PDZRN4: variants seen among roughly 807,000 people sequenced by gnomAD.
PDZRN4 encodes the protein PDZ domain-containing RING finger protein 4.
Under a neutral mutation model 99.0 loss-of-function variants are expected in PDZRN4, and 70 were observed. That is an observed-to-expected ratio of 0.71 (90% CI 0.58 to 0.86). PDZRN4 has a LOEUF of 0.86. PDZRN4 is among the 40% of genes least tolerant of loss of function. The pLI, the probability that PDZRN4 is intolerant of heterozygous loss-of-function variation, is 0.00. For missense variants in PDZRN4, 1,474 were observed against 1,331.2 expected, an observed-to-expected ratio of 1.11 and a Z score of -1.67; for synonymous variants, 551 against 501.6, an observed-to-expected ratio of 1.10 and a Z score of -1.32.
chr12:41,437,935 G>A, intron 3 of PDZRN4: 1 of 1,613,642 alleles, frequency 6.2e-7, no homozygotes, highest in Non-Finnish European at 8.5e-7. Context: ...CTCTCTCTCT[G>A]CTTCTTAGAA....
At chr12:41,236,411 C>T (rs139177097) in intron 3 of PDZRN4, among the ~76,000 whole-genome samples, 95 of 152,078 alleles carry the variant, frequency 6.2e-4, no homozygotes, top group Non-Finnish European at 1.2e-3. Context: ...ACAGAGGAAA[C>T]GAAGGTGAGG....
intron 3 of PDZRN4, among the ~76,000 whole-genome samples, chr12:41,232,227 T>C (rs532014893): frequency 6.6e-6 from 1 of 152,140 alleles, no homozygotes; most frequent in Non-Finnish European, 1.5e-5. Flanking sequence ...TGTCTTCATA[T>C]ACTGTTGCGG....
chr12:41,360,208 T>A (rs955530683), intron 3 of PDZRN4, among the ~76,000 whole-genome samples: 1 of 152,072 alleles, frequency 6.6e-6, no homozygotes, highest in Non-Finnish European at 1.5e-5. Flanking sequence ...ATAGAGCTAT[T>A]ATGTTCATAG....
chr12:41,240,328 C>T (rs1951094064), intron 3 of PDZRN4, among the ~76,000 whole-genome samples: 2 of 152,098 alleles, frequency 1.3e-5, no homozygotes, highest in South Asian at 4.1e-4. Flanking sequence ...ATATGTGCAT[C>T]TAAGGACCAC....
At chr12:41,233,832 T>C (rs527406551) in intron 3 of PDZRN4, among the ~76,000 whole-genome samples, 3 of 151,894 alleles carry the variant, frequency 2.0e-5, no homozygotes, top group Non-Finnish European at 4.4e-5. Flanking sequence ...GAGACATACC[T>C]AATACTAAAT....
chr12:41,459,286 A>C (rs902159878), intron 3 of PDZRN4, among the ~76,000 whole-genome samples: 2 of 152,196 alleles, frequency 1.3e-5, no homozygotes, highest in African/African-American at 4.8e-5. Flanking sequence ...AAGTGCTAGA[A>C]GAGAGTTTTC....
chr12:41,308,075 A>G (rs1363925851), intron 3 of PDZRN4, among the ~76,000 whole-genome samples: 1 of 152,186 alleles, frequency 6.6e-6, no homozygotes, highest in Admixed American at 6.5e-5. Flanking sequence ...ATGTATATAT[A>G]TTATTATTTT....
chr12:41,368,511 C>T (rs1400365100), intron 3 of PDZRN4, among the ~76,000 whole-genome samples: 1 of 151,988 alleles, frequency 6.6e-6, no homozygotes, highest in Non-Finnish European at 1.5e-5. Context: ...TATATACACG[C>T]ACATACACAC....
chr12:41,199,843 CAG>C (rs1950802874), intron 3 of PDZRN4, among the ~76,000 whole-genome samples: 1 of 151,984 alleles, frequency 6.6e-6, no homozygotes, highest in African/African-American at 2.4e-5. Context: ...AGTGGAATAA[CAG>C]ATGTTGAAGA....
At chr12:41,419,181 T>C (rs1952470780) in intron 3 of PDZRN4, among the ~76,000 whole-genome samples, 1 of 152,152 alleles carries the variant, frequency 6.6e-6, no homozygotes, top group Non-Finnish European at 1.5e-5. Context: ...TCTGGTGTTT[T>C]GGTTTTATGC....
intron 3 of PDZRN4, among the ~76,000 whole-genome samples, chr12:41,401,882 T>C (rs902580087): frequency 1.3e-5 from 2 of 151,622 alleles, no homozygotes; most frequent in Admixed American, 1.3e-4. Context: ...CTTCGTTGTG[T>C]GAAGCATTAA....
chr12:41,194,424 T>TCGAGACCTGAGTCTCGAGGC (rs1391355601), intron 3 of PDZRN4, among the ~76,000 whole-genome samples: 32 of 152,182 alleles, frequency 2.1e-4, no homozygotes, highest in Middle Eastern at 3.4e-3. Flanking sequence ...CACGTGAGCT[T>TCGAGACCTGAGTCTCGAGGC]AGGAGTTCGA....
chr12:41,376,013 A>AC (rs1952076561), intron 3 of PDZRN4, among the ~76,000 whole-genome samples: 5 of 152,118 alleles, frequency 3.3e-5, no homozygotes, highest in African/African-American at 1.2e-4. Flanking sequence ...TCTCTGTGTG[A>AC]CTTATTTTAC....
chr12:41,447,830 G>A (rs1293831492), intron 3 of PDZRN4, among the ~76,000 whole-genome samples: 1 of 151,906 alleles, frequency 6.6e-6, no homozygotes, highest in Non-Finnish European at 1.5e-5. Context: ...TTTATCCACT[G>A]AACTTACCCA....
At chr12:41,373,407 C>T (rs1952057798) in intron 3 of PDZRN4, among the ~76,000 whole-genome samples, 1 of 152,086 alleles carries the variant, frequency 6.6e-6, no homozygotes, top group Non-Finnish European at 1.5e-5. Context: ...AAGACAGCCG[C>T]CCCTGAAGCA....
intron 3 of PDZRN4, among the ~76,000 whole-genome samples, chr12:41,328,533 T>C (rs1038831901): frequency 2.6e-5 from 4 of 151,998 alleles, no homozygotes. Flanking sequence ...ACAAATAGAA[T>C]ATATATACAA....
chr12:41,483,110 G>A (rs534456539), intron 3 of PDZRN4, among the ~76,000 whole-genome samples: 1 of 152,018 alleles, frequency 6.6e-6, no homozygotes, highest in South Asian at 2.1e-4. Context: ...CTAAAGCACA[G>A]CCTATATTCC....
intron 3 of PDZRN4, among the ~76,000 whole-genome samples, chr12:41,213,297 G>A (rs989788426): frequency 6.6e-6 from 1 of 152,022 alleles, no homozygotes; most frequent in African/African-American, 2.4e-5. Context: ...CAGTGCAGTA[G>A]TTCAGATGCC....
intron 5 of PDZRN4, among the ~76,000 whole-genome samples, chr12:41,538,852 A>G (rs886530151): frequency 6.6e-6 from 1 of 152,100 alleles, no homozygotes; most frequent in Admixed American, 6.5e-5. Flanking sequence ...GAAGAATTAT[A>G]CTATCTAGAA....
Sources: allele counts gnomAD v4.1 joint callset (sites outside exome capture counted in the v4.1 genomes callset), GRCh38; gene constraint gnomAD v4.1.1; transcripts MANE v1.5; gene names NCBI Gene and HGNC (gene_info 2026-07-23, HGNC 2026-07-21).